The following MAVS variants were observed in gnomAD, a reference collection of about 807,000 sequenced individuals.
MAVS encodes mitochondrial antiviral-signaling protein.
In MAVS, 20 loss-of-function variants were observed where a neutral mutation model predicts 30.2. The ratio of observed to expected loss-of-function variants is 0.66; its 90% CI spans 0.47 to 0.96. The LOEUF is 0.96. MAVS is among the 40% of genes least tolerant of loss of function. The pLI is 0.00. For synonymous variants in MAVS, 278 were observed against 293.9 expected (o/e 0.95, Z 0.55); for missense variants, 624 against 701.1 (o/e 0.89, Z 1.24).
At position 3,874,396 on chromosome 20, in the gene MAVS, A is replaced by G. The variant is rs190815958; in HGVS notation, c.*8249A>G. On this transcript the variant is annotated 3_prime_UTR_variant, in exon 7 of 7. Transcript: ENST00000428216. ...AGATGTGGAAATAAAAACCACCTAA[A>G]CAAGAGCAGAGAGGCCATTTGGTCA... The G allele has an allele frequency of 4.7e-4, 186 of 395,624 alleles. 3 individuals carry two copies. Among genetic ancestry groups the G allele is most frequent in the African/African-American group, 3.6e-3 (174 of 48,670 alleles). 24.5% of individuals were successfully genotyped at this position (395,624 alleles called of 1,614,324 possible).
intron 2 of MAVS, among the ~76,000 whole-genome samples, chr20:3,856,940 G>A (rs550215515): frequency 6.6e-6 from 1 of 151,726 alleles, no homozygotes; most frequent in Non-Finnish European, 1.5e-5. Context: ...GGAGGCTGAG[G>A]CAGGAGAATC....
chr20:3,854,852 TC>T (rs2089795769), intron 2 of MAVS, 111 bp downstream of exon 2: 1 of 660,136 alleles, frequency 1.5e-6, no homozygotes, highest in Non-Finnish European at 2.6e-6. Context: ...CCTTCCTTCT[TC>T]CTCTTGCTGT....
rs759857254 is a variant in MAVS, at chr20:3,866,158, G to C, written c.*11G>C. The C allele has an allele frequency of 1.9e-6, 3 of 1,563,056 alleles. No homozygotes were observed. The highest frequency in any genetic ancestry group is 2.6e-6 in the Non-Finnish European group (3 of 1,157,914). On this transcript the variant is annotated 3_prime_UTR_variant, in exon 7 of 7. Transcript: ENST00000428216. Reference sequence around the variant, plus strand: ...CGGCGTCTGCACTAGTGAAGCCCTGGGCTCTTCCCACCACCCATCTGTTCC... The same window carrying C: ...CGGCGTCTGCACTAGTGAAGCCCTGCGCTCTTCCCACCACCCATCTGTTCC...
chr20:3,861,359 T>A lies in MAVS; in HGVS notation c.320T>A (p.Leu107Gln). ...ACCTCGGACCGTCCCCCAGACCCAC[T>A]GGAGCCACCGTCACTTCCTGCTGAG... is the stretch of plus-strand genomic sequence containing the variant. ...PRTSDRPPDP[L>Q]EPPSLPAERP... is the part of the protein sequence containing the mutation. Residue 107 changes from leucine to glutamine, a missense_variant, in exon 4 of 7, where the codon CTG becomes CAG. Physicochemically the swap from Leu to Gln is moderately radical, Grantham distance 113 (BLOSUM62 -2). Transcript: ENST00000428216. 1 of 1,613,940 alleles carries A rather than the reference T, an allele frequency of 6.2e-7. No homozygotes were observed. Among genetic ancestry groups the A allele is most frequent in the Non-Finnish European group, 8.5e-7 (1 of 1,179,942 alleles).
chr20:3,848,869 T>G (rs1452377327), intron 1 of MAVS, among the ~76,000 whole-genome samples: 16 of 152,052 alleles, frequency 1.1e-4, no homozygotes, highest in Non-Finnish European at 1.8e-4. Context: ...GTCATGCTTC[T>G]TTTCTCTCCC....
chr20:3,855,051 C>T (rs1183394671), intron 2 of MAVS, among the ~76,000 whole-genome samples: 1 of 152,010 alleles, frequency 6.6e-6, no homozygotes, highest in African/African-American at 2.4e-5. Context: ...CCACCACGCC[C>T]AGCTAATTTT....
chr20:3,849,464 C>A (rs900351097), intron 1 of MAVS, among the ~76,000 whole-genome samples: 4 of 152,224 alleles, frequency 2.6e-5, no homozygotes, highest in African/African-American at 7.2e-5. Flanking sequence ...CTAGGCCTCC[C>A]AAAGTGCTGG....
chr20:3,861,380 C>G lies in MAVS; in HGVS notation c.341C>G (p.Ala114Gly), dbSNP rs2089865830. ...CCACTGGAGCCACCGTCACTTCCTG[C>G]TGAGAGGCCAGGGCCCCCCACACCT... ...PDPLEPPSLP[A>G]ERPGPPTPAA... The change falls in exon 4 of 7, where the codon GCT (alanine) becomes GGT (glycine). Residue 114 changes from alanine (A) to glycine (G), a missense_variant. Coordinates refer to ENST00000428216, the MANE Select transcript of MAVS (RefSeq NM_020746.5). 1 of 1,613,976 alleles carries G rather than the reference C, an allele frequency of 6.2e-7. No homozygotes were observed. The highest frequency in any genetic ancestry group is 1.3e-5 in the African/African-American group (1 of 74,904).
chr20:3,865,924 G>A lies in MAVS; in HGVS notation c.1400G>A (p.Gly467Glu), dbSNP rs1458895218. The A allele has an allele frequency of 1.2e-6, 2 of 1,613,848 alleles. No individual in the cohort carries two copies. The highest frequency in any genetic ancestry group is 8.5e-7 in the Non-Finnish European group (1 of 1,179,910). The change falls in exon 7 of 7, where the codon GGG becomes GAG. Residue 467 changes from glycine (G) to glutamate (E), a missense_variant. Transcript: ENST00000428216. This position sits in a 1 kb window ranked among gnomAD's most constrained non-coding sequence, Gnocchi z 4.7. ...ENEYKSEGTF[G>E]IHVAENPSIQ... ...GAGTATAAGTCCGAGGGCACCTTTG[G>A]GATCCACGTGGCTGAGAACCCCAGC... is the stretch of plus-strand genomic sequence containing the variant.
chr20:3,867,139 A>T lies in MAVS; in HGVS notation c.*992A>T. 1 of 447,816 alleles carries T rather than the reference A, an allele frequency of 2.2e-6. No homozygotes were observed. Among genetic ancestry groups the T allele is most frequent in the Non-Finnish European group, 4.5e-6 (1 of 222,280 alleles). 27.7% of individuals were successfully genotyped at this position (447,816 alleles called of 1,614,324 possible). ...TGAGGGCATGAGAGGCAGAGTGCAC[A>T]GTGGTCAAGGGTGCAGCTCTGCAGC... On this transcript the variant is annotated 3_prime_UTR_variant, in exon 7 of 7. Coordinates refer to ENST00000428216, the MANE Select transcript of MAVS (RefSeq NM_020746.5).
rs899589415 is a variant in MAVS at position 3,866,905 on chromosome 20, G to A, written c.*758G>A. On this transcript the variant is annotated 3_prime_UTR_variant, in exon 7 of 7. Transcript: ENST00000428216. ...CCTGGTGGGCAGAGCTCAGGCAGAG[G>A]TTTGGATTTCAGCTCCCTCACTTCC... is the stretch of plus-strand genomic sequence containing the variant. 4 of 457,084 alleles carry A rather than the reference G, an allele frequency of 8.8e-6. No homozygotes were observed. Among genetic ancestry groups the A allele is most frequent in the Non-Finnish European group, 1.8e-5 (4 of 227,010 alleles). The allele number at this position is 457,084 out of a possible 1,614,324, so 28.3% of individuals were successfully genotyped here. A position where few individuals can be genotyped will look rare whatever the true frequency, so the allele number is the denominator to read the frequency against.
Position 3,869,333 on chromosome 20 carries a change from T to G in MAVS, c.*3186T>G, listed in dbSNP as rs548489378. 3 of 149,138 alleles carry G rather than the reference T, an allele frequency of 2.0e-5. No individual in the cohort carries two copies. Among genetic ancestry groups the G allele is most frequent in the Admixed American group, 1.3e-4 (2 of 14,894 alleles). The allele number at this position is 149,138 out of a possible 1,614,324, so 9.2% of individuals were successfully genotyped here. A position where few individuals can be genotyped will look rare whatever the true frequency, so the allele number is the denominator to read the frequency against. ...GACTACAGGCGCCTGCCACCACGCC[T>G]GGCTAATTTTTTTGCACTTTTAGTA... On this transcript the variant is annotated 3_prime_UTR_variant, in exon 7 of 7. Transcript: ENST00000428216.
In MAVS at chr20:3,854,704, T is replaced by A. The variant is rs2089794370; in HGVS notation, c.80T>A (p.Ile27Asn). 6.2e-7 allele frequency: 1 copy of A among 1,613,884 alleles called. No homozygotes were observed. The highest frequency in any genetic ancestry group is 1.1e-5 in the South Asian group (1 of 91,074). ...TTTTGCAATGTGGATGTTGTAGAGA[T>A]TCTGCCTTACCTGCCCTGCCTCACA... is the stretch of plus-strand genomic sequence containing the variant. ...SNFCNVDVVE[I>N]LPYLPCLTAR... is the part of the protein sequence containing the mutation. Residue 27 changes from isoleucine (I) to asparagine (N), a missense_variant, in exon 2 of 7, where the codon ATT becomes AAT. By Grantham distance (149) the Ile-to-Asn change is moderately radical. Coordinates refer to ENST00000428216, the MANE Select transcript of MAVS (RefSeq NM_020746.5).
rs186136876 is a variant in MAVS at position 3,850,151 on chromosome 20, C to T, written c.-68+3248C>T. 3.5e-3 allele frequency among the ~76,000 whole-genome samples: 536 copies of T among 151,408 alleles called. 3 individuals are homozygous for T. Among genetic ancestry groups the T allele is most frequent in the African/African-American group, 0.012 (497 of 41,228 alleles). On this transcript the variant is annotated intron_variant, in intron 1 of 6. Transcript: ENST00000428216. ...AATTAGCCGAGCGTGGTAGCAGGCG[C>T]CTGTAGTCCCAGCTACTTGGGAGGC...
In MAVS at chr20:3,876,020, CTTTAA is replaced by C. The variant is rs949862881; in HGVS notation, c.*9877_*9881del. ...AAACTGGTAATTGGTGAAAGAATTA[CTTTAA>C]TTTTTTTTCCTACTTGCTGTCATGA... On this transcript the variant is annotated 3_prime_UTR_variant, in exon 7 of 7. Transcript: ENST00000428216. The C allele has an allele frequency of 1.3e-5, 2 of 152,272 alleles. No homozygotes were observed. The highest frequency in any genetic ancestry group is 2.4e-5 in the African/African-American group (1 of 41,414). The allele number at this position is 152,272 out of a possible 1,614,324, so 9.4% of individuals were successfully genotyped here. A position where few individuals can be genotyped will look rare whatever the true frequency, so the allele number is the denominator to read the frequency against.
chr20:3,866,187 C>G lies in MAVS; in HGVS notation c.*40C>G. 1 of 1,512,496 alleles carries G rather than the reference C, an allele frequency of 6.6e-7. No homozygotes were observed. The highest frequency in any genetic ancestry group is 8.8e-7 in the Non-Finnish European group (1 of 1,130,524). 93.7% of individuals were successfully genotyped at this position (1,512,496 alleles called of 1,614,324 possible). ...CTTCCCACCACCCATCTGTTCCGTT[C>G]CTGCAGTACACCTGGCCCCTCTCCG... On this transcript the variant is annotated 3_prime_UTR_variant, in exon 7 of 7. Transcript: ENST00000428216.
At position 3,861,403 on chromosome 20, in the gene MAVS, C is replaced by A. The variant is rs369993378; in HGVS notation, c.364C>A (p.Pro122Thr). The change falls in exon 4 of 7, where the codon CCT (proline) becomes ACT (threonine). Residue 122 changes from proline to threonine, a missense_variant. Pro to Thr is a conservative substitution (Grantham distance 38). Transcript: ENST00000428216. ...LPAERPGPPTPAAAHSIPYNS... is the reference protein window; with the variant it reads ...LPAERPGPPTTAAAHSIPYNS... ...TGCTGAGAGGCCAGGGCCCCCCACACCTGCTGCGGCCCACAGCATCCCCTA... is the reference window on the plus strand; with the variant it reads ...TGCTGAGAGGCCAGGGCCCCCCACAACTGCTGCGGCCCACAGCATCCCCTA... The A allele has an allele frequency of 6.2e-7, 1 of 1,614,026 alleles. No individual in the cohort carries two copies. Among genetic ancestry groups the A allele is most frequent in the African/African-American group, 1.3e-5 (1 of 74,936 alleles).
chr20:3,864,215 T>C, intron 5 of MAVS, 41 bp from the exon 6 acceptor site: 2 of 1,569,738 alleles, frequency 1.3e-6, no homozygotes, highest in East Asian at 4.5e-5. Flanking sequence ...AAGGTAATGG[T>C]CTTTGGGTCT....
chr20:3,856,380 G>C (rs2089811083), intron 2 of MAVS, among the ~76,000 whole-genome samples: 1 of 117,594 alleles, frequency 8.5e-6, no homozygotes, highest in South Asian at 2.7e-4. Context: ...TTTTGAGATG[G>C]AGTCTCGCTG....
Sources: gnomAD v4.1 joint callset for allele counts (sites outside exome capture counted in the v4.1 genomes callset) on GRCh38, gnomAD v4.1.1 for gene constraint, Gnocchi (gnomAD v3.1) non-coding constraint, MANE v1.5 for transcripts, NCBI Gene and HGNC (gene_info 2026-07-23, HGNC 2026-07-21) for gene names.